TRPC4AP: variants seen among roughly 807,000 people sequenced by gnomAD.
TRPC4AP encodes transient receptor potential cation channel subfamily C member 4 associated protein.
Under a neutral mutation model 99.0 loss-of-function variants are expected in TRPC4AP, and 45 were observed. The observed-to-expected ratio is 0.45, with a 90% CI of 0.36 to 0.58. The LOEUF (loss-of-function observed/expected upper bound fraction) is 0.58, where lower values mean the gene tolerates loss of function less well. Ranked by LOEUF, TRPC4AP falls within the 20% of genes least tolerant of loss-of-function variation. TRPC4AP has a pLI of 0.00. For missense variants in TRPC4AP, 879 were observed against 985.3 expected (o/e 0.89, Z 1.44); for synonymous variants, 408 against 385.8 (o/e 1.06, Z -0.67).
chr20:35,087,989 C>T (rs538966839), intron 1 of TRPC4AP, among the ~76,000 whole-genome samples: 4 of 152,236 alleles, frequency 2.6e-5, no homozygotes, highest in African/African-American at 7.2e-5. Context: ...GCCCATTAGA[C>T]ATCAAAGTGG....
rs1256004763 is a variant in TRPC4AP at position 35,086,538 on chromosome 20, T to TATATATATATGA, written c.168+6075_168+6076insTCATATATATAT. Among the ~76,000 whole-genome samples the TATATATATATGA allele has an allele frequency of 3.0e-5, 2 of 66,882 alleles. 1 individual carries two copies. Among genetic ancestry groups the TATATATATATGA allele is most frequent in the Non-Finnish European group, 5.3e-5 (2 of 37,800 alleles). The allele number at this position is 66,882 out of a possible 152,430, so 43.9% of individuals were successfully genotyped here. A position where few individuals can be genotyped will look rare whatever the true frequency, so the allele number is the denominator to read the frequency against. On this transcript the variant is annotated intron_variant, in intron 1 of 18. Coordinates refer to ENST00000252015, the MANE Select transcript of TRPC4AP (RefSeq NM_015638.3). ...GTGTGTGTATATATGTGTGTGTGTGTGTGTGTGTGTGTGTGTGTGTGTGTG... is the reference window on the plus strand; with the variant it reads ...GTGTGTGTATATATGTGTGTGTGTGTATATATATATGAGTGTGTGTGTGTGTGTGTGTGTGTG...
intron 3 of TRPC4AP, among the ~76,000 whole-genome samples, chr20:35,060,026 T>G (rs1183427517): frequency 2.0e-5 from 3 of 150,812 alleles, no homozygotes; most frequent in Non-Finnish European, 4.4e-5. Flanking sequence ...AAAACAACAA[T>G]AACAAAAAAC....
At chr20:35,058,414 C>A (rs76907781) in intron 3 of TRPC4AP, among the ~76,000 whole-genome samples, 2 of 152,170 alleles carry the variant, frequency 1.3e-5, no homozygotes, top group African/African-American at 4.8e-5. Context: ...GGCCACTGAA[C>A]AAGCCTCAAT....
intron 11 of TRPC4AP, among the ~76,000 whole-genome samples, chr20:35,011,174 T>A (rs539999289): frequency 6.6e-6 from 1 of 152,234 alleles, no homozygotes; most frequent in African/African-American, 2.4e-5. Context: ...GTAGAATTGC[T>A]TGAACCCAGA....
intron 1 of TRPC4AP, among the ~76,000 whole-genome samples, chr20:35,089,371 C>T (rs1296800497): frequency 6.7e-6 from 1 of 149,676 alleles, no homozygotes; most frequent in Non-Finnish European, 1.5e-5. Context: ...GGACTACAGG[C>T]ATGCATTTCC....
intron 7 of TRPC4AP, among the ~76,000 whole-genome samples, chr20:35,040,687 T>C (rs2083428083): frequency 6.6e-6 from 1 of 152,176 alleles, no homozygotes; most frequent in Admixed American, 6.5e-5. Flanking sequence ...CACTGCAACC[T>C]CTGCCTCCTG....
chr20:35,043,735 C>A (rs12624760), intron 7 of TRPC4AP, among the ~76,000 whole-genome samples: 2 of 152,062 alleles, frequency 1.3e-5, no homozygotes, highest in East Asian at 3.9e-4. Context: ...TAAAATAGAA[C>A]AATTGTAACA....
intron 7 of TRPC4AP, 22 bp downstream of exon 7, chr20:35,044,483 T>A: frequency 1.2e-6 from 2 of 1,605,956 alleles, no homozygotes; most frequent in Non-Finnish European, 1.7e-6. Context: ...ATCTCAAAAT[T>A]CTGAGAACTT....
At position 35,005,580 on chromosome 20, in the gene TRPC4AP, G is replaced by A. The variant is rs17092212; in HGVS notation, c.1936+115C>T. On this transcript the variant is annotated intron_variant, in intron 16 of 18. Coordinates refer to ENST00000252015, the MANE Select transcript of TRPC4AP (RefSeq NM_015638.3). ...AAGCCGCCACCTTGAGGCCGGCCAC[G>A]TGGGCATCTGGTGCAGCTCCCTCAG... 0.011 allele frequency: 10,788 copies of A among 952,820 alleles called. 738 individuals are homozygous for A. In the African/African-American group the frequency reaches 0.15, roughly 14 times the overall value. 59.0% of individuals were successfully genotyped at this position (952,820 alleles called of 1,614,324 possible).
Position 35,002,413 on chromosome 20 carries a change from A to AAAT in TRPC4AP, c.*730_*732dup. On this transcript the variant is annotated 3_prime_UTR_variant, in exon 19 of 19. Coordinates refer to ENST00000252015, the MANE Select transcript of TRPC4AP (RefSeq NM_015638.3). ...GCCAGGTCCACAGCAGTCATTTTTAAAATAAAGTTATTTAATAGTCTCCAT... is the reference window on the plus strand; with the variant it reads ...GCCAGGTCCACAGCAGTCATTTTTAAAATAATAAAGTTATTTAATAGTCTCCAT... The AAAT allele has an allele frequency of 4.7e-6, 2 of 425,528 alleles. No homozygotes were observed. The highest frequency in any genetic ancestry group is 3.5e-5 in the East Asian group (1 of 28,688). The allele number at this position is 425,528 out of a possible 1,614,324, so 26.4% of individuals were successfully genotyped here.
Position 35,057,581 on chromosome 20 carries a change from A to T in TRPC4AP, c.415-10T>A. The T allele has an allele frequency of 6.3e-7, 1 of 1,598,106 alleles. No individual in the cohort carries two copies. Among genetic ancestry groups the T allele is most frequent in the Non-Finnish European group, 8.6e-7 (1 of 1,168,292 alleles). Reference sequence around the variant, plus strand: ...GAATTTCTACAAGAAGCTATAAAAAAAATTAGATAAAATCTTCAAAATTAA... The same window carrying T: ...GAATTTCTACAAGAAGCTATAAAAATAATTAGATAAAATCTTCAAAATTAA... On this transcript the variant is annotated splice_polypyrimidine_tract_variant and intron_variant, in intron 3 of 18. Coordinates refer to ENST00000252015, the MANE Select transcript of TRPC4AP (RefSeq NM_015638.3).
intron 5 of TRPC4AP, 152 bp from the exon 6 acceptor site, chr20:35,050,146 C>T (rs573408517): frequency 1.2e-5 from 10 of 800,446 alleles, no homozygotes; most frequent in Middle Eastern, 3.1e-4. Flanking sequence ...CTGTGGGAAA[C>T]GCTCGTTAAC....
chr20:35,049,826 A>G, intron 6 of TRPC4AP, 40 bp downstream of exon 6: 1 of 1,582,362 alleles, frequency 6.3e-7, no homozygotes, highest in East Asian at 2.3e-5. Context: ...ATGGTCTGAG[A>G]CACCCTTCCC....
chr20:35,066,168 A>G (rs1232198626), intron 3 of TRPC4AP, among the ~76,000 whole-genome samples: 1 of 151,914 alleles, frequency 6.6e-6, no homozygotes, highest in Non-Finnish European at 1.5e-5. Flanking sequence ...TCATGGTGCG[A>G]TCTCGGCTCA....
At chr20:35,051,325 G>T (rs887338800) in intron 5 of TRPC4AP, among the ~76,000 whole-genome samples, 5 of 152,164 alleles carry the variant, frequency 3.3e-5, no homozygotes, top group Non-Finnish European at 7.4e-5. Flanking sequence ...TAGAGACAGG[G>T]TCTCACTCTG....
chr20:35,055,531 GGTT>G (rs1489790304), intron 4 of TRPC4AP, among the ~76,000 whole-genome samples: 5 of 151,902 alleles, frequency 3.3e-5, no homozygotes, highest in Non-Finnish European at 7.4e-5. Context: ...CATTTGTTTT[GGTT>G]TTTTAAATGA....
Position 35,086,653 on chromosome 20 carries a change from T to A in TRPC4AP, c.168+5961A>T, listed in dbSNP as rs147411905. On this transcript the variant is annotated intron_variant, in intron 1 of 18. Transcript: ENST00000252015. ...TTACCTTTGAAAAGCCAGGTAAGAT[T>A]TGTTTGACTTAAATGCCTAGGTTTC... Among the ~76,000 whole-genome samples, 34 of 151,686 alleles carry A rather than the reference T, an allele frequency of 2.2e-4. No homozygotes were observed. In the East Asian group the frequency reaches 6.6e-3, roughly 29 times the overall value.
intron 1 of TRPC4AP, among the ~76,000 whole-genome samples, chr20:35,086,793 G>A (rs1402997768): frequency 6.6e-6 from 1 of 151,954 alleles, no homozygotes; most frequent in Non-Finnish European, 1.5e-5. Flanking sequence ...CCAGCACTTT[G>A]GGAGGCTGAG....
intron 2 of TRPC4AP, among the ~76,000 whole-genome samples, chr20:35,075,117 T>A (rs1346134706): frequency 6.6e-6 from 1 of 152,036 alleles, no homozygotes; most frequent in Non-Finnish European, 1.5e-5. Flanking sequence ...GCTTGGTAGA[T>A]CTTCCTCCAT....
Sources: gnomAD v4.1 joint callset for allele counts (sites outside exome capture counted in the v4.1 genomes callset) on GRCh38, gnomAD v4.1.1 for gene constraint, MANE v1.5 for transcripts, NCBI Gene and HGNC (gene_info 2026-07-23, HGNC 2026-07-21) for gene names.